Variants in SYCE1L observed in about 807,000 individuals in gnomAD.
SYCE1L encodes synaptonemal complex central element protein 1 like, also known as synaptonemal complex central element protein 1-like.
In SYCE1L, 51 loss-of-function variants were observed where a neutral mutation model predicts 39.6. The observed-to-expected ratio is 1.29, with a 90% confidence interval of 1.03 to 1.63. The LOEUF (loss-of-function observed/expected upper bound fraction) is 1.63, where lower values mean the gene tolerates loss of function less well. Ranked by LOEUF, SYCE1L falls within the 40% of genes most tolerant of loss-of-function variation. The pLI is 0.00. For synonymous variants in SYCE1L, 147 were observed against 122.4 expected (o/e 1.20, Z -1.33); for missense variants, 426 against 304.9 (o/e 1.40, Z -2.96).
At chr16:77,206,555 A>G (rs2054787202) in intron 2 of SYCE1L, 55 bp downstream of exon 2, 7 of 1,529,978 alleles carry the variant, frequency 4.6e-6, no homozygotes, top group South Asian at 2.4e-5. Context: ...TCAGAAAGAC[A>G]TGGTACAAAT....
chr16:77,202,631 A>G (rs926143451), intron 1 of SYCE1L, among the ~76,000 whole-genome samples: 1 of 152,186 alleles, frequency 6.6e-6, no homozygotes, highest in Non-Finnish European at 1.5e-5. Context: ...TAGCCTGGGT[A>G]TTAGGAGATG....
intron 1 of SYCE1L, chr16:77,200,291 T>TACACACACAC (rs1386314738): frequency 8.1e-5 from 9 of 111,404 alleles, no homozygotes; most frequent in African/African-American, 2.7e-4. Context: ...TATATATATA[T>TACACACACAC]ACACACACTA....
chr16:77,212,369 G>C lies in SYCE1L; in HGVS notation c.581G>C (p.Gly194Ala). Residue 194 changes from glycine (G) to alanine (A), a missense_variant and splice_region_variant, in exon 9 of 11, where the codon GGG (glycine) becomes GCG (alanine). Physicochemically the swap from Gly to Ala is moderately conservative, Grantham distance 60. Coordinates refer to ENST00000378644, the MANE Select transcript of SYCE1L (RefSeq NM_001129979.3). ...GAGGGCGCCATGGCGGTGAATGACG[G>C]GTGAGAGGGGAAGGGAGGAGTGGGC... is the stretch of plus-strand genomic sequence containing the variant. The part of the protein sequence containing the change: ...EVEGAMAVND[G>A]LKAELEIFGE... The C allele has an allele frequency of 6.5e-7, 1 of 1,528,936 alleles. No homozygotes were observed. The highest frequency in any genetic ancestry group is 1.2e-5 in the South Asian group (1 of 82,166). The allele number at this position is 1,528,936 out of a possible 1,614,324, so 94.7% of individuals were successfully genotyped here.
Position 77,199,432 on chromosome 16 carries a change from C to A in SYCE1L, c.-20C>A, listed in dbSNP as rs114764479. 2,930 of 1,551,084 alleles carry A rather than the reference C, an allele frequency of 1.9e-3. 47 individuals are homozygous for A. The African/African-American group carries it at 0.034, about 18-fold the overall frequency. On this transcript the variant is annotated 5_prime_UTR_variant, in exon 1 of 11. Coordinates refer to ENST00000378644, the MANE Select transcript of SYCE1L (RefSeq NM_001129979.3). ...AACCAGTCATCAAGCGAGGCTCGCG[C>A]GCAGGCCCCGCGTTGGAAAATGGCG...
At chr16:77,200,741 G>C (rs1192578670) in intron 1 of SYCE1L, 1 of 78,436 alleles carries the variant, frequency 1.3e-5, no homozygotes, top group African/African-American at 5.4e-5. Flanking sequence ...GGAAGACAGA[G>C]TGAGCAAAAA....
chr16:77,208,035 A>G (rs2054797417), intron 2 of SYCE1L, among the ~76,000 whole-genome samples, 175 bp from the exon 3 acceptor site: 2 of 152,176 alleles, frequency 1.3e-5, no homozygotes, highest in Admixed American at 1.3e-4. Flanking sequence ...CTCAATGTCC[A>G]TCTTGCCAAC....
intron 1 of SYCE1L, among the ~76,000 whole-genome samples, chr16:77,203,815 G>A (rs527634522): frequency 6.6e-5 from 10 of 151,910 alleles, no homozygotes; most frequent in African/African-American, 1.2e-4. Context: ...AGCTGGTCTC[G>A]AACTCCTGAC....
Position 77,210,366 on chromosome 16 carries a change from C to T in SYCE1L, c.360-847C>T, listed in dbSNP as rs373873337. ...CTTCTGAACTTTTACCTAGCACACT[C>T]CTGTTACCAGAGGTCTCTCATCCTG... is the stretch of plus-strand genomic sequence containing the variant. On this transcript the variant is annotated intron_variant, in intron 6 of 10. Coordinates refer to ENST00000378644, the MANE Select transcript of SYCE1L (RefSeq NM_001129979.3). 2.6e-5 allele frequency among the ~76,000 whole-genome samples: 4 copies of T among 152,286 alleles called. No individual in the cohort carries two copies. In the East Asian group the frequency reaches 7.7e-4, roughly 29 times the overall value.
rs887086410 is a variant in SYCE1L, at chr16:77,209,056, A to G, written c.257-41A>G. 59 of 1,550,136 alleles carry G rather than the reference A, an allele frequency of 3.8e-5. 1 individual carries two copies. The highest frequency in any genetic ancestry group is 1.7e-4 in the Middle Eastern group (1 of 6,010). On this transcript the variant is annotated intron_variant, in intron 4 of 10. Transcript: ENST00000378644. ...ATATGAAGTTGCACTGGGGATGGCAATGGGGTGCCTGGAGGCAGAAAGTGT... is the reference window on the plus strand; with the variant it reads ...ATATGAAGTTGCACTGGGGATGGCAGTGGGGTGCCTGGAGGCAGAAAGTGT...
At chr16:77,210,151 C>T (rs139823152) in intron 6 of SYCE1L, among the ~76,000 whole-genome samples, 1 of 152,322 alleles carries the variant, frequency 6.6e-6, no homozygotes, top group African/African-American at 2.4e-5. Context: ...ATCCATCCAT[C>T]TCTTCATCCT....
intron 6 of SYCE1L, among the ~76,000 whole-genome samples, chr16:77,209,771 T>C (rs1048954658): frequency 5.9e-5 from 9 of 152,332 alleles, no homozygotes; most frequent in African/African-American, 2.2e-4. Flanking sequence ...CTTGCTTATT[T>C]GCCTCCTTAT....
chr16:77,212,763 G>C, intron 10 of SYCE1L, 94 bp from the exon 11 acceptor site: 1 of 1,420,382 alleles, frequency 7.0e-7, no homozygotes, highest in Non-Finnish European at 9.2e-7. Flanking sequence ...GCGGCCCCGG[G>C]GACAGAGGAA....
chr16:77,212,457 C>T, intron 9 of SYCE1L, 88 bp downstream of exon 9: 4 of 1,537,962 alleles, frequency 2.6e-6, no homozygotes, highest in Non-Finnish European at 3.5e-6. Context: ...CCCCGACTGC[C>T]GCTTCCCCGG....
intron 1 of SYCE1L, among the ~76,000 whole-genome samples, chr16:77,206,152 A>C (rs2054784281): frequency 2.6e-5 from 4 of 152,174 alleles, no homozygotes; most frequent in Non-Finnish European, 5.9e-5. Flanking sequence ...GCATCAGCAA[A>C]CATGCATTCT....
At position 77,208,303 on chromosome 16, in the gene SYCE1L, C is replaced by T. The variant is rs577719752; in HGVS notation, c.181+34C>T. 8.2e-5 allele frequency: 127 copies of T among 1,549,652 alleles called. 1 individual carries two copies. In the African/African-American group the frequency reaches 1.2e-3, roughly 15 times the overall value. ...GGGGACTTAGACTGGCCAGCTGGGG[C>T]GAGCAGGAAGTGACTGGATTTATAA... On this transcript the variant is annotated intron_variant, in intron 3 of 10. Coordinates refer to ENST00000378644, the MANE Select transcript of SYCE1L (RefSeq NM_001129979.3).
chr16:77,212,037 G>A, intron 7 of SYCE1L, 93 bp from the exon 8 acceptor site: 1 of 1,351,516 alleles, frequency 7.4e-7, no homozygotes, highest in South Asian at 1.4e-5. Flanking sequence ...ACCTAATGTA[G>A]GTGAAGACTT....
Position 77,206,472 on chromosome 16 carries a change from G to C in SYCE1L, c.93G>C (p.Leu31Phe), listed in dbSNP as rs1255147487. Reference sequence around the variant, plus strand: ...CCAAGTCTTTGAAGACTGAAGACTTGCTGGCAATGGTGATAAAGCTGCAGA... The same window carrying C: ...CCAAGTCTTTGAAGACTGAAGACTTCCTGGCAATGGTGATAAAGCTGCAGA... The part of the protein sequence containing the change: ...GQAKSLKTED[L>F]LAMVIKLQKE... The change falls in exon 2 of 11, where the codon TTG becomes TTC. Residue 31 changes from leucine to phenylalanine, a missense_variant. Transcript: ENST00000378644. The C allele has an allele frequency of 6.4e-7, 1 of 1,551,642 alleles. No individual in the cohort carries two copies. The highest frequency in any genetic ancestry group is 2.0e-5 in the Admixed American group (1 of 50,986).
chr16:77,201,063 C>T (rs1016387201), intron 1 of SYCE1L: 1 of 152,192 alleles, frequency 6.6e-6, no homozygotes, highest in Admixed American at 6.5e-5. Context: ...ATTGCCTGAC[C>T]TAGGATGTGA....
Position 77,213,093 on chromosome 16 carries a change from C to G in SYCE1L, c.*162C>G. 4.6e-6 allele frequency: 3 copies of G among 649,146 alleles called. No homozygotes were observed. The Admixed American group carries it at 1.2e-4, about 26-fold the overall frequency. The allele number at this position is 649,146 out of a possible 1,614,324, so 40.2% of individuals were successfully genotyped here. A position where few individuals can be genotyped will look rare whatever the true frequency, so the allele number is the denominator to read the frequency against. On this transcript the variant is annotated 3_prime_UTR_variant, in exon 11 of 11. Coordinates refer to ENST00000378644, the MANE Select transcript of SYCE1L (RefSeq NM_001129979.3). Reference sequence around the variant, plus strand: ...AGGCGGGGCCTCTGCCGGACCCCTCCCACCAGTCGAGCCCCGGGCGCCGTA... The same window carrying G: ...AGGCGGGGCCTCTGCCGGACCCCTCGCACCAGTCGAGCCCCGGGCGCCGTA...
Sources: gnomAD v4.1 joint callset for allele counts (sites outside exome capture counted in the v4.1 genomes callset) on GRCh38, gnomAD v4.1.1 for gene constraint, MANE v1.5 for transcripts, NCBI Gene and HGNC (gene_info 2026-07-23, HGNC 2026-07-21) for gene names.